The following LAMP1 variants were observed in gnomAD, a reference collection of about 807,000 sequenced individuals.
LAMP1 encodes lysosome associated membrane protein 1.
LAMP1 carries 7 observed loss-of-function variants against 37.5 expected under a neutral mutation model. The ratio of observed to expected loss-of-function variants is 0.19; its 90% CI spans 0.11 to 0.35. LAMP1 has a LOEUF of 0.35. Ranked by LOEUF, LAMP1 falls within the 10% of genes least tolerant of loss-of-function variation. The pLI, the probability that LAMP1 is intolerant of heterozygous loss-of-function variation, is 1.00. For missense variants in LAMP1, 537 were observed against 552.8 expected, an observed-to-expected ratio of 0.97 and a Z score of 0.29; for synonymous variants, 236 against 229.1, an observed-to-expected ratio of 1.03 and a Z score of -0.27.
Position 113,323,656 on chromosome 13 carries a change from A to G in LAMP1, c.*1235A>G, listed in dbSNP as rs959928640. On this transcript the variant is annotated 3_prime_UTR_variant, in exon 9 of 9. Coordinates refer to ENST00000332556, the MANE Select transcript of LAMP1 (RefSeq NM_005561.4). The stretch of plus-strand genomic sequence containing the variant: ...TGATAATTTTTAAATCATTAAAAAA[A>G]TTACCTTTCATACAGATACCATGGA... The G allele has an allele frequency of 6.6e-6, 1 of 152,124 alleles. No individual in the cohort carries two copies. The highest frequency in any genetic ancestry group is 1.5e-5 in the Non-Finnish European group (1 of 68,034). The allele number at this position is 152,124 out of a possible 1,614,324, so 9.4% of individuals were successfully genotyped here.
intron 1 of LAMP1, among the ~76,000 whole-genome samples, chr13:113,304,359 G>A (rs143681657): frequency 8.7e-4 from 132 of 152,322 alleles, no homozygotes; most frequent in African/African-American, 3.0e-3. Context: ...AGTCTCTGGC[G>A]TCTGCTGTGT....
At chr13:113,322,183 C>G (rs2042705030) in intron 8 of LAMP1, 99 bp from the exon 9 acceptor site, 1 of 1,378,956 alleles carries the variant, frequency 7.3e-7, no homozygotes, top group African/African-American at 1.5e-5. Flanking sequence ...CAGGGTTCCT[C>G]TTTGCCTTTT....
rs2042686316 is a variant in LAMP1, at chr13:113,319,618, C to T, written c.712C>T (p.Leu238=). Residue 238 remains leucine (L), a synonymous_variant, in exon 5 of 9, where the codon CTG becomes TTG. Coordinates refer to ENST00000332556, the MANE Select transcript of LAMP1 (RefSeq NM_005561.4). ...GACCTGCCTGCTGGCCAGCATGGGG[C>T]TGCAGCTGAACCTCACCTATGAGAG... ...NGTCLLASMG[L]QLNLTYERKD... is the part of the protein sequence containing the mutation. 3 of 1,613,752 alleles carry T rather than the reference C, an allele frequency of 1.9e-6. No homozygotes were observed. The highest frequency in any genetic ancestry group is 1.1e-5 in the South Asian group (1 of 91,070).
At chr13:113,303,009 C>G (rs1234468695) in intron 1 of LAMP1, among the ~76,000 whole-genome samples, 6 of 152,222 alleles carry the variant, frequency 3.9e-5, no homozygotes, top group Non-Finnish European at 5.9e-5. Context: ...TGTTTTGTGT[C>G]AGATACTGAG....
At chr13:113,315,547 G>A (rs1250079049) in intron 4 of LAMP1, among the ~76,000 whole-genome samples, 3 of 151,430 alleles carry the variant, frequency 2.0e-5, no homozygotes, top group East Asian at 2.0e-4. Flanking sequence ...ACATCACCAC[G>A]TCTGGTTAAT....
chr13:113,310,595 T>A (rs993216730), intron 3 of LAMP1, 114 bp from the exon 4 acceptor site: 20 of 923,634 alleles, frequency 2.2e-5, no homozygotes, highest in Admixed American at 2.7e-5. Flanking sequence ...TTTTTTTTTT[T>A]AATCTAGAAA....
chr13:113,308,808 C>T (rs144151807), intron 2 of LAMP1, among the ~76,000 whole-genome samples: 21 of 152,032 alleles, frequency 1.4e-4, no homozygotes, highest in Non-Finnish European at 2.8e-4. Flanking sequence ...TGTTTTTTGG[C>T]CCACGTTAGT....
chr13:113,319,737 G>A (rs1431743826), intron 5 of LAMP1, 81 bp downstream of exon 5: 40 of 1,277,624 alleles, frequency 3.1e-5, no homozygotes, highest in Non-Finnish European at 4.2e-5. Flanking sequence ...GAGAACACGC[G>A]TCTCTGCACG....
At position 113,321,777 on chromosome 13, in the gene LAMP1, G is replaced by C; in HGVS notation, c.1114+50G>C. ...CGCGGGGTGTGGAGGACGTGCTTCA[G>C]ACTCCGCCTGTGGACGTTTAGTCGC... On this transcript the variant is annotated intron_variant, in intron 8 of 8. Transcript: ENST00000332556. The surrounding 1 kb of genome is among the most constrained non-coding windows in gnomAD (Gnocchi z 5.6). 3.2e-6 allele frequency: 5 copies of C among 1,574,174 alleles called. No individual in the cohort carries two copies. Among genetic ancestry groups the C allele is most frequent in the Non-Finnish European group, 4.3e-6 (5 of 1,151,484 alleles).
intron 2 of LAMP1, among the ~76,000 whole-genome samples, chr13:113,306,884 G>C (rs1472220166): frequency 8.8e-6 from 1 of 113,466 alleles, no homozygotes; most frequent in Non-Finnish European, 1.6e-5. Context: ...CTGTCACCCA[G>C]GCTGGAGTGC....
rs532641283 is a variant in LAMP1, at chr13:113,321,792, C to T, written c.1114+65C>T. 16 of 1,507,970 alleles carry T rather than the reference C, an allele frequency of 1.1e-5. No homozygotes were observed. The African/African-American group carries it at 1.1e-4, about 10-fold the overall frequency. The allele number at this position is 1,507,970 out of a possible 1,614,324, so 93.4% of individuals were successfully genotyped here. Reference sequence around the variant, plus strand: ...ACGTGCTTCAGACTCCGCCTGTGGACGTTTAGTCGCTTCCGTGTGGGCTGG... The same window carrying T: ...ACGTGCTTCAGACTCCGCCTGTGGATGTTTAGTCGCTTCCGTGTGGGCTGG... On this transcript the variant is annotated intron_variant, in intron 8 of 8. Coordinates refer to ENST00000332556, the MANE Select transcript of LAMP1 (RefSeq NM_005561.4). This position sits in a 1 kb window ranked among gnomAD's most constrained non-coding sequence, Gnocchi z 5.6.
In LAMP1 at chr13:113,319,546, C is replaced by A; in HGVS notation, c.640C>A (p.Pro214Thr). 3 of 1,613,960 alleles carry A rather than the reference C, an allele frequency of 1.9e-6. No individual in the cohort carries two copies. The highest frequency in any genetic ancestry group is 2.5e-6 in the Non-Finnish European group (3 of 1,180,010). Residue 214 changes from proline (P) to threonine (T), a missense_variant, in exon 5 of 9, where the codon CCC becomes ACC. Coordinates refer to ENST00000332556, the MANE Select transcript of LAMP1 (RefSeq NM_005561.4). ...ACCCAGCCCCTCGCCCTCACCCGTG[C>A]CCAAGAGCCCCTCTGTGGACAAGTA... ...APPSPSPSPV[P>T]KSPSVDKYNV...
chr13:113,321,446 A>G lies in LAMP1; in HGVS notation c.919A>G (p.Asn307Asp). The change falls in exon 7 of 9, where the codon AAT (asparagine) becomes GAT (aspartate). Residue 307 changes from asparagine (N) to aspartate (D), a missense_variant. Physicochemically the swap from Asn to Asp is conservative, Grantham distance 23. Transcript: ENST00000332556. This position sits in a 1 kb window ranked among gnomAD's most constrained non-coding sequence, Gnocchi z 5.6. ...SRFFLQGIQL[N>D]TILPDARDPA... Reference sequence around the variant, plus strand: ...GTTTTTCCTACAAGGAATCCAGTTGAATACAATTCTTCCTGACGCCAGAGG... The same window carrying G: ...GTTTTTCCTACAAGGAATCCAGTTGGATACAATTCTTCCTGACGCCAGAGG... 6.2e-7 allele frequency: 1 copy of G among 1,614,156 alleles called. No homozygotes were observed. Among genetic ancestry groups the G allele is most frequent in the Non-Finnish European group, 8.5e-7 (1 of 1,180,004 alleles).
intron 4 of LAMP1, among the ~76,000 whole-genome samples, chr13:113,315,227 C>T (rs1410778767): frequency 2.7e-5 from 4 of 147,706 alleles, no homozygotes; most frequent in African/African-American, 1.0e-4. Flanking sequence ...GGCGTGGCCT[C>T]CTGGAGGGAG....
At chr13:113,322,163 A>G in intron 8 of LAMP1, 119 bp from the exon 9 acceptor site, 1 of 1,190,974 alleles carries the variant, frequency 8.4e-7, no homozygotes, top group South Asian at 1.5e-5. Context: ...CTAGAGCTGG[A>G]ACCTTCCGCC....
intron 4 of LAMP1, among the ~76,000 whole-genome samples, chr13:113,315,589 C>T (rs986628475): frequency 2.6e-5 from 4 of 151,174 alleles, no homozygotes; most frequent in Non-Finnish European, 4.4e-5. Context: ...GGGCGTTGCA[C>T]CATGTTGGCC....
chr13:113,306,353 C>CAAAAAA, intron 1 of LAMP1, 132 bp from the exon 2 acceptor site: 1 of 748,266 alleles, frequency 1.3e-6, no homozygotes, highest in Non-Finnish European at 2.0e-6. Context: ...GACTCCGTCT[C>CAAAAAA]AAAAAAAAAA....
In LAMP1 at chr13:113,309,843, C is replaced by A; in HGVS notation, c.384C>A (p.Phe128Leu). The A allele has an allele frequency of 6.2e-7, 1 of 1,612,808 alleles. No homozygotes were observed. Among genetic ancestry groups the A allele is most frequent in the Non-Finnish European group, 8.5e-7 (1 of 1,179,820 alleles). Residue 128 changes from phenylalanine (F) to leucine (L), a missense_variant, in exon 3 of 9, where the codon TTC becomes TTA. Phe to Leu is a conservative substitution (Grantham distance 22). Transcript: ENST00000332556. ...ATAACTTGTCAGACACACACCTTTTCCCCAATGCGAGCTCCAAAGGTAAGA... is the reference window on the plus strand; with the variant it reads ...ATAACTTGTCAGACACACACCTTTTACCCAATGCGAGCTCCAAAGGTAAGA... ...FVYNLSDTHL[F>L]PNASSKEIKT...
chr13:113,299,233 T>A (rs769654206), intron 1 of LAMP1, among the ~76,000 whole-genome samples: 1 of 152,204 alleles, frequency 6.6e-6, no homozygotes, highest in Non-Finnish European at 1.5e-5. Flanking sequence ...ATCAGTCTTC[T>A]AAGATCTGTT....
Sources: gnomAD v4.1 joint callset for allele counts (sites outside exome capture counted in the v4.1 genomes callset) on GRCh38, gnomAD v4.1.1 for gene constraint, Gnocchi (gnomAD v3.1) non-coding constraint, MANE v1.5 for transcripts, NCBI Gene and HGNC (gene_info 2026-07-23, HGNC 2026-07-21) for gene names.